ACSS3: variants seen among roughly 807,000 people sequenced by gnomAD.
The protein encoded by ACSS3 is acyl-CoA synthetase short-chain family member 3, mitochondrial.
Under a neutral mutation model 84.2 loss-of-function variants are expected in ACSS3, and 64 were observed. That is an observed-to-expected ratio of 0.76 (90% CI 0.62 to 0.94). ACSS3 has a LOEUF of 0.94. ACSS3 is among the 40% of genes least tolerant of loss of function. ACSS3 has a pLI of 0.00. For synonymous variants in ACSS3, 317 were observed against 310.1 expected (o/e 1.02, Z -0.23); for missense variants, 815 against 867.6 (o/e 0.94, Z 0.76).
chr12:81,096,176 G>GT, intron 1 of ACSS3, among the ~76,000 whole-genome samples: 1 of 152,266 alleles, frequency 6.6e-6, no homozygotes, highest in African/African-American at 2.4e-5. Flanking sequence ...GCTAGTCATT[G>GT]TTTTTGCTGA....
chr12:81,155,228 T>G (rs893126814), intron 7 of ACSS3, among the ~76,000 whole-genome samples: 1 of 152,208 alleles, frequency 6.6e-6, no homozygotes, highest in African/African-American at 2.4e-5. Flanking sequence ...TCTTTTCTTC[T>G]CTTTGTTTCT....
intron 11 of ACSS3, 63 bp downstream of exon 11, chr12:81,220,139 A>C (rs764331122): frequency 2.8e-6 from 3 of 1,063,580 alleles, no homozygotes; most frequent in Non-Finnish European, 3.9e-6. Flanking sequence ...ACTAAGAAAA[A>C]ATGGGGTCAT....
At chr12:81,143,054 T>C in intron 4 of ACSS3, 53 bp from the exon 5 acceptor site, 3 of 1,446,058 alleles carry the variant, frequency 2.1e-6, no homozygotes, top group East Asian at 2.4e-5. Context: ...CTTTTTGTTC[T>C]CTTGATTTAA....
chr12:81,238,933 T>G (rs530182147), intron 13 of ACSS3, among the ~76,000 whole-genome samples: 5 of 151,966 alleles, frequency 3.3e-5, no homozygotes, highest in Non-Finnish European at 7.4e-5. Flanking sequence ...TCTAGTTTCC[T>G]AAGGTGAAAG....
chr12:81,237,988 G>C (rs543986076), intron 13 of ACSS3, among the ~76,000 whole-genome samples: 16 of 151,716 alleles, frequency 1.1e-4, no homozygotes, highest in South Asian at 2.1e-4. Flanking sequence ...GTAAGCTCTA[G>C]GTTTGTTTGT....
chr12:81,205,728 T>C (rs1453444205), intron 9 of ACSS3, among the ~76,000 whole-genome samples: 1 of 152,118 alleles, frequency 6.6e-6, no homozygotes, highest in Non-Finnish European at 1.5e-5. Flanking sequence ...ATACACTGAA[T>C]TGCAGATGGA....
At chr12:81,234,626 A>G (rs778645357) in intron 13 of ACSS3, among the ~76,000 whole-genome samples, 1 of 151,280 alleles carries the variant, frequency 6.6e-6, no homozygotes, top group Admixed American at 6.6e-5. Flanking sequence ...TGTGCATGTG[A>G]TTTGCATTTC....
At chr12:81,151,777 G>C in intron 5 of ACSS3, 67 bp from the exon 6 acceptor site, 1 of 1,378,496 alleles carries the variant, frequency 7.3e-7, no homozygotes, top group Non-Finnish European at 1.0e-6. Flanking sequence ...TAAAGTGGAT[G>C]CTATGAAGAT....
At position 81,233,442 on chromosome 12, in the gene ACSS3, C is replaced by A; in HGVS notation, c.1690C>A (p.His564Asn). The change falls in exon 13 of 16, where the codon CAC becomes AAC. Residue 564 changes from histidine (H) to asparagine (N), a missense_variant. His to Asn is a moderately conservative substitution (Grantham distance 68). Coordinates refer to ENST00000548058, the MANE Select transcript of ACSS3 (RefSeq NM_024560.4). Reference protein sequence around the residue: ...RVDDVINVAGHRISAGAIEES... With the variant: ...RVDDVINVAGNRISAGAIEES... The stretch of plus-strand genomic sequence containing the variant: ...GGATGATGTAATAAATGTTGCAGGT[C>A]ACAGAATTTCTGCAGGCGCCATTGA... 1.2e-6 allele frequency: 2 copies of A among 1,610,812 alleles called. No homozygotes were observed. Among genetic ancestry groups the A allele is most frequent in the South Asian group, 2.2e-5 (2 of 90,972 alleles).
intron 11 of ACSS3, among the ~76,000 whole-genome samples, chr12:81,221,213 AAG>A (rs2033094474): frequency 6.6e-6 from 1 of 152,096 alleles, no homozygotes; most frequent in Non-Finnish European, 1.5e-5. Flanking sequence ...TAATAATTGA[AAG>A]AGAGATTGCT....
At position 81,246,729 on chromosome 12, in the gene ACSS3, TA is replaced by T. The variant is rs1252040901; in HGVS notation, c.1720-6575del. 4.6e-5 allele frequency among the ~76,000 whole-genome samples: 7 copies of T among 152,322 alleles called. 1 individual carries two copies. Among genetic ancestry groups the T allele is most frequent in the African/African-American group, 1.7e-4 (7 of 41,582 alleles). ...TACAATTTGAATGAAAGAAAATGTT[TA>T]AAGTAACATGATTAACAATTCACTG... On this transcript the variant is annotated intron_variant, in intron 13 of 15. Coordinates refer to ENST00000548058, the MANE Select transcript of ACSS3 (RefSeq NM_024560.4).
At position 81,258,294 on chromosome 12, in the gene ACSS3, G is replaced by T. The variant is rs187003969; in HGVS notation, c.*3372G>T. 5 of 152,106 alleles carry T rather than the reference G, an allele frequency of 3.3e-5. No homozygotes were observed. The highest frequency in any genetic ancestry group is 2.6e-4 in the Admixed American group (4 of 15,252). 9.4% of individuals were successfully genotyped at this position (152,106 alleles called of 1,614,324 possible). ...AATTATTATTTTTTTTATTGACAAT[G>T]GAAAGGGTTTCTGTTATCATTACCT... is the stretch of plus-strand genomic sequence containing the variant. On this transcript the variant is annotated 3_prime_UTR_variant, in exon 16 of 16. Transcript: ENST00000548058.
chr12:81,188,497 C>G (rs1262505698), intron 8 of ACSS3, among the ~76,000 whole-genome samples: 1 of 152,042 alleles, frequency 6.6e-6, no homozygotes, highest in African/African-American at 2.4e-5. Flanking sequence ...GAAGCCCTCC[C>G]TTTTGTCCTT....
At chr12:81,101,335 A>G (rs1161430538) in intron 1 of ACSS3, among the ~76,000 whole-genome samples, 2 of 152,148 alleles carry the variant, frequency 1.3e-5, no homozygotes, top group Non-Finnish European at 2.9e-5. Context: ...AATTTAAATC[A>G]CCCATTCAGT....
chr12:81,251,051 CTTTA>C lies in ACSS3; in HGVS notation c.1720-2248_1720-2245del, dbSNP rs2034135047. Among the ~76,000 whole-genome samples, 3 of 152,252 alleles carry C rather than the reference CTTTA, an allele frequency of 2.0e-5. No individual in the cohort carries two copies. The South Asian group carries it at 6.2e-4, about 32-fold the overall frequency. On this transcript the variant is annotated intron_variant, in intron 13 of 15. Coordinates refer to ENST00000548058, the MANE Select transcript of ACSS3 (RefSeq NM_024560.4). The stretch of plus-strand genomic sequence containing the variant: ...GCTGTGTCACCCACTCTCAACAATT[CTTTA>C]TTTATTTTCCACGATGAAACTAAAA...
At chr12:81,175,003 T>C in intron 8 of ACSS3, 64 bp downstream of exon 8, 3 of 1,551,626 alleles carry the variant, frequency 1.9e-6, no homozygotes, top group Non-Finnish European at 2.6e-6. Flanking sequence ...TAAGTGAACA[T>C]TATTTTTTTT....
At chr12:81,082,258 A>G (rs1881028470) in intron 1 of ACSS3, among the ~76,000 whole-genome samples, 1 of 152,098 alleles carries the variant, frequency 6.6e-6, no homozygotes, top group Admixed American at 6.5e-5. Context: ...TATTGTTCCC[A>G]TCTTTATATC....
rs142806365 is a variant in ACSS3 at position 81,177,100 on chromosome 12, T to G, written c.1250+2161T>G. ...ATCTCAATAGATGCAGAAAATGACA[T>G]AAATAAAATTTAGTATCCCTTCATT... On this transcript the variant is annotated intron_variant, in intron 8 of 15. Coordinates refer to ENST00000548058, the MANE Select transcript of ACSS3 (RefSeq NM_024560.4). Among the ~76,000 whole-genome samples, 34 of 152,238 alleles carry G rather than the reference T, an allele frequency of 2.2e-4. No homozygotes were observed. The East Asian group carries it at 6.4e-3, about 29-fold the overall frequency.
chr12:81,169,601 G>A (rs1593154410), intron 7 of ACSS3, among the ~76,000 whole-genome samples: 1 of 152,090 alleles, frequency 6.6e-6, no homozygotes, highest in East Asian at 1.9e-4. Context: ...ATTCATATAT[G>A]AGCAATGTCT....
Sources: gnomAD v4.1 joint callset for allele counts (sites outside exome capture counted in the v4.1 genomes callset) on GRCh38, gnomAD v4.1.1 for gene constraint, MANE v1.5 for transcripts, NCBI Gene and HGNC (gene_info 2026-07-23, HGNC 2026-07-21) for gene names.